The following SMARCAD1 variants were observed in gnomAD, a reference collection of about 807,000 sequenced individuals.
SMARCAD1 encodes the protein SNF2 related chromatin remodeling ATPase with DExD box 1, also known as SWI/SNF-related matrix-associated actin-dependent regulator of chromatin subfamily A containing DEAD/H box 1.
SMARCAD1 carries 25 observed loss-of-function variants against 127.1 expected under a neutral mutation model. The observed-to-expected ratio is 0.20, with a 90% CI of 0.14 to 0.27. The LOEUF (loss-of-function observed/expected upper bound fraction) is 0.27, where lower values mean the gene tolerates loss of function less well. SMARCAD1 is among the 10% of genes least tolerant of loss of function. The pLI is 1.00. For missense variants in SMARCAD1, 807 were observed against 1,206.0 expected, an observed-to-expected ratio of 0.67 and a Z score of 4.90; for synonymous variants, 400 against 396.9, an observed-to-expected ratio of 1.01 and a Z score of -0.09.
At chr4:94,214,948 T>C (rs1334905327) in intron 2 of SMARCAD1, among the ~76,000 whole-genome samples, 2 of 152,198 alleles carry the variant, frequency 1.3e-5, no homozygotes, top group Admixed American at 1.3e-4. Flanking sequence ...CTGAGAGTAT[T>C]GCTCTGCCAC....
At chr4:94,226,676 G>C (rs3113863) in intron 3 of SMARCAD1, among the ~76,000 whole-genome samples, 83,131 of 151,654 alleles carry the variant, frequency 0.55, 23,279 homozygotes, top group East Asian at 0.72. Context: ...ATTGGAAACA[G>C]TCTGAGCTAG....
chr4:94,237,062 T>A, intron 5 of SMARCAD1, 44 bp downstream of exon 5: 1 of 1,428,948 alleles, frequency 7.0e-7, no homozygotes, highest in Non-Finnish European at 9.9e-7. Context: ...TATTGTTACG[T>A]CATAATAATA....
Position 94,208,362 on chromosome 4 carries a change from C to T in SMARCAD1, c.-33C>T. 1 of 1,606,068 alleles carries T rather than the reference C, an allele frequency of 6.2e-7. No individual in the cohort carries two copies. Among genetic ancestry groups the T allele is most frequent in the East Asian group, 2.2e-5 (1 of 44,828 alleles). On this transcript the variant is annotated 5_prime_UTR_variant, in exon 2 of 24. Coordinates refer to ENST00000354268, the MANE Select transcript of SMARCAD1 (RefSeq NM_020159.5). ...CCCCTGCAGATAGTTCATTTAAAGCCCCCATCCCTGCAAGGTGGTGCTTTC... is the reference window on the plus strand; with the variant it reads ...CCCCTGCAGATAGTTCATTTAAAGCTCCCATCCCTGCAAGGTGGTGCTTTC...
At chr4:94,214,070 CAAGTT>C (rs924563234) in intron 2 of SMARCAD1, among the ~76,000 whole-genome samples, 15 of 151,988 alleles carry the variant, frequency 9.9e-5, no homozygotes, top group African/African-American at 3.6e-4. Flanking sequence ...GTAGAGAAGT[CAAGTT>C]GAGTGGGGAC....
chr4:94,228,230 T>G (rs1745307775), intron 3 of SMARCAD1, among the ~76,000 whole-genome samples: 1 of 152,184 alleles, frequency 6.6e-6, no homozygotes. Flanking sequence ...ATTGTCATAT[T>G]TTGGAAAAAT....
At chr4:94,271,319 C>G (rs1432188095) in intron 11 of SMARCAD1, among the ~76,000 whole-genome samples, 1 of 152,110 alleles carries the variant, frequency 6.6e-6, no homozygotes, top group Non-Finnish European at 1.5e-5. Flanking sequence ...GCGGTCTCTC[C>G]GGGTCTCTGT....
intron 6 of SMARCAD1, among the ~76,000 whole-genome samples, chr4:94,245,394 A>G (rs1316995760): frequency 6.6e-6 from 1 of 152,248 alleles, no homozygotes; most frequent in African/African-American, 2.4e-5. Flanking sequence ...TGCCTTGAAG[A>G]TAATGGCTTT....
At chr4:94,262,406 A>G (rs1158093738) in intron 9 of SMARCAD1, among the ~76,000 whole-genome samples, 3 of 152,180 alleles carry the variant, frequency 2.0e-5, no homozygotes, top group Admixed American at 2.0e-4. Flanking sequence ...GAATCTTATC[A>G]GTTTCTCCGT....
chr4:94,250,412 A>G (rs1384547709), intron 7 of SMARCAD1, among the ~76,000 whole-genome samples: 1 of 152,090 alleles, frequency 6.6e-6, no homozygotes, highest in African/African-American at 2.4e-5. Flanking sequence ...TGTTGAAACT[A>G]CGTTTTGAAG....
At chr4:94,226,396 T>A in intron 3 of SMARCAD1, 100 bp downstream of exon 3, 2 of 733,606 alleles carry the variant, frequency 2.7e-6, no homozygotes, top group Non-Finnish European at 4.0e-6. Context: ...CCCTTTTTTT[T>A]TTTTTCTTTT....
intron 5 of SMARCAD1, among the ~76,000 whole-genome samples, chr4:94,240,554 C>T (rs1428825057): frequency 6.6e-6 from 1 of 152,208 alleles, no homozygotes; most frequent in Non-Finnish European, 1.5e-5. Context: ...AGATAACTTA[C>T]ACTTGGTGGG....
chr4:94,253,065 C>A, intron 9 of SMARCAD1, 58 bp downstream of exon 9: 1 of 1,600,740 alleles, frequency 6.2e-7, no homozygotes, highest in East Asian at 2.2e-5. Flanking sequence ...TTCACAGTAC[C>A]GGTTATAGTC....
intron 3 of SMARCAD1, among the ~76,000 whole-genome samples, chr4:94,231,409 G>A (rs1366413873): frequency 6.6e-6 from 1 of 152,176 alleles, no homozygotes; most frequent in Non-Finnish European, 1.5e-5. Flanking sequence ...TTCTTTATCT[G>A]AGACTGGAAA....
intron 2 of SMARCAD1, among the ~76,000 whole-genome samples, chr4:94,219,513 G>A (rs1743750487): frequency 6.6e-6 from 1 of 151,866 alleles, no homozygotes; most frequent in South Asian, 2.1e-4. Flanking sequence ...ACTTAGATAC[G>A]AGAACGGGTA....
Position 94,209,556 on chromosome 4 carries a change from C to T in SMARCAD1, c.190+972C>T, listed in dbSNP as rs1403821769. Among the ~76,000 whole-genome samples, 4 of 152,328 alleles carry T rather than the reference C, an allele frequency of 2.6e-5. No homozygotes were observed. The East Asian group carries it at 7.7e-4, about 29-fold the overall frequency. ...AATGTAGCCTGAAAGATTGGTAACACACATGTTTATCCTTGGTATCTTTTT... is the reference window on the plus strand; with the variant it reads ...AATGTAGCCTGAAAGATTGGTAACATACATGTTTATCCTTGGTATCTTTTT... On this transcript the variant is annotated intron_variant, in intron 2 of 23. Transcript: ENST00000354268.
intron 2 of SMARCAD1, 128 bp from the exon 3 acceptor site, chr4:94,225,988 AGTG>A (rs1744924048): frequency 3.8e-6 from 3 of 792,684 alleles, no homozygotes; most frequent in Non-Finnish European, 6.0e-6. Flanking sequence ...TTCTTTAAAA[AGTG>A]GTGAGAATTT....
chr4:94,251,644 G>A (rs1184918477), intron 8 of SMARCAD1, among the ~76,000 whole-genome samples: 1 of 152,074 alleles, frequency 6.6e-6, no homozygotes, highest in Non-Finnish European at 1.5e-5. Flanking sequence ...AAAAATAAAG[G>A]TATGATAATC....
intron 9 of SMARCAD1, among the ~76,000 whole-genome samples, chr4:94,259,382 T>C (rs1370203612): frequency 6.6e-6 from 1 of 152,176 alleles, no homozygotes. Context: ...TTAAACTCTT[T>C]TTCCTTTAAA....
intron 6 of SMARCAD1, among the ~76,000 whole-genome samples, chr4:94,244,370 C>T (rs906731145): frequency 3.3e-5 from 5 of 151,938 alleles, no homozygotes; most frequent in Non-Finnish European, 7.4e-5. Flanking sequence ...GATATGAAAG[C>T]TGCAAAAGAA....
Sources: allele counts gnomAD v4.1 joint callset (sites outside exome capture counted in the v4.1 genomes callset), GRCh38; gene constraint gnomAD v4.1.1; transcripts MANE v1.5; gene names NCBI Gene and HGNC (gene_info 2026-07-23, HGNC 2026-07-21).